The following AGBL1 variants were observed in gnomAD, a reference collection of about 807,000 sequenced individuals.
The protein encoded by AGBL1 is cytosolic carboxypeptidase 4.
A neutral mutation model predicts 118.9 loss-of-function variants in AGBL1; 130 were observed. The ratio of observed to expected loss-of-function variants is 1.09; its 90% confidence interval spans 0.95 to 1.26. The LOEUF (loss-of-function observed/expected upper bound fraction) is 1.26. Ranked by LOEUF, AGBL1 falls within the 50% of genes most tolerant of loss-of-function variation. AGBL1 has a pLI of 0.00. For missense variants in AGBL1, 1,584 were observed against 1,298.1 expected (o/e 1.22, Z -3.38); for synonymous variants, 555 against 478.9 (o/e 1.16, Z -2.08).
At chr15:86,846,365 G>T (rs1056501367) in intron 22 of AGBL1, among the ~76,000 whole-genome samples, 2 of 152,192 alleles carry the variant, frequency 1.3e-5, no homozygotes, top group Non-Finnish European at 2.9e-5. Context: ...CTGATAAGAA[G>T]TCTGCCATTA....
At chr15:86,086,323 G>A (rs1158730496) in intron 1 of AGBL1, 1 of 152,128 alleles carries the variant, frequency 6.6e-6, no homozygotes, top group Non-Finnish European at 1.5e-5. Flanking sequence ...AGAAATGGGT[G>A]TATGGAAATG....
chr15:87,019,947 GA>G (rs769042011), intron 24 of AGBL1, among the ~76,000 whole-genome samples: 2 of 151,988 alleles, frequency 1.3e-5, no homozygotes, highest in Non-Finnish European at 2.9e-5. Flanking sequence ...TGACCCCACA[GA>G]AATATAAACA....
At chr15:86,231,622 T>C (rs2078456216) in intron 6 of AGBL1, among the ~76,000 whole-genome samples, 1 of 152,190 alleles carries the variant, frequency 6.6e-6, no homozygotes, top group Admixed American at 6.5e-5. Context: ...TCTTAGTATG[T>C]CAGGCACTCT....
intron 17 of AGBL1, among the ~76,000 whole-genome samples, chr15:86,300,680 C>T (rs1055239379): frequency 6.6e-6 from 1 of 152,176 alleles, no homozygotes; most frequent in Non-Finnish European, 1.5e-5. Flanking sequence ...CACTCCCCTG[C>T]CACAGTCTCC....
intron 17 of AGBL1, among the ~76,000 whole-genome samples, chr15:86,380,449 C>T (rs566124276): frequency 6.6e-6 from 1 of 151,596 alleles, no homozygotes; most frequent in African/African-American, 2.4e-5. Context: ...CTGAGCCCGG[C>T]CCTTTCCTTC....
intron 18 of AGBL1, among the ~76,000 whole-genome samples, chr15:86,470,803 TTTGA>T (rs1338817317): frequency 2.6e-5 from 4 of 152,202 alleles, no homozygotes; most frequent in East Asian, 3.9e-4. Context: ...AATGGGATTG[TTTGA>T]TTGATTTTGG....
In AGBL1 at chr15:86,264,488, C is replaced by T; in HGVS notation, c.1317C>T (p.Tyr439=). Residue 439 remains tyrosine (Y), a synonymous_variant, in exon 11 of 23, where the codon TAC becomes TAT. Coordinates refer to ENST00000614907, the MANE Select transcript of AGBL1 (RefSeq NM_001386094.1). ...GSKKNPGVNL[Y]QNVQSNSLRR... ...AAAAAAATCCTGGAGTGAACCTGTA[C>T]CAAAATGTGCAATCCAATAGTCTCA... 1 of 1,614,016 alleles carries T rather than the reference C, an allele frequency of 6.2e-7. No homozygotes were observed. Among genetic ancestry groups the T allele is most frequent in the East Asian group, 2.2e-5 (1 of 44,884 alleles).
chr15:86,660,573 T>A (rs924587097), intron 21 of AGBL1, among the ~76,000 whole-genome samples: 3 of 152,136 alleles, frequency 2.0e-5, no homozygotes, highest in South Asian at 4.1e-4. Flanking sequence ...ATTTTTTTTT[T>A]ACTGATTTTT....
chr15:86,388,741 C>T (rs1317291535), intron 17 of AGBL1, among the ~76,000 whole-genome samples: 4 of 152,244 alleles, frequency 2.6e-5, no homozygotes, highest in Non-Finnish European at 5.9e-5. Flanking sequence ...TGATTCAGAA[C>T]ACCTAAGTTT....
chr15:86,644,989 C>G (rs936696048), intron 21 of AGBL1, among the ~76,000 whole-genome samples: 2 of 152,002 alleles, frequency 1.3e-5, no homozygotes, highest in Non-Finnish European at 2.9e-5. Flanking sequence ...CCACTGGACT[C>G]CAGCCTGGGT....
chr15:86,822,606 A>G (rs933127809), intron 22 of AGBL1, among the ~76,000 whole-genome samples: 5 of 152,152 alleles, frequency 3.3e-5, no homozygotes, highest in African/African-American at 1.2e-4. Context: ...TTCTGTGGTT[A>G]GCAGGTCTAT....
chr15:86,753,403 T>TC (rs1284474343), intron 22 of AGBL1, among the ~76,000 whole-genome samples: 1 of 116,564 alleles, frequency 8.6e-6, no homozygotes. Context: ...TTTTCTTTTT[T>TC]TTTTTTTTTT....
chr15:86,338,060 T>C (rs2141876270), intron 17 of AGBL1, among the ~76,000 whole-genome samples: 1 of 152,052 alleles, frequency 6.6e-6, no homozygotes, highest in African/African-American at 2.4e-5. Flanking sequence ...ACACATAAAC[T>C]GATTAATTGA....
chr15:86,611,647 G>T (rs1462234491), intron 21 of AGBL1, among the ~76,000 whole-genome samples: 1 of 152,062 alleles, frequency 6.6e-6, no homozygotes, highest in East Asian at 1.9e-4. Flanking sequence ...AGCCTTTTCT[G>T]TCAAGGTATT....
chr15:86,422,852 G>T (rs1287665741), intron 18 of AGBL1, among the ~76,000 whole-genome samples: 1 of 152,088 alleles, frequency 6.6e-6, no homozygotes, highest in Non-Finnish European at 1.5e-5. Flanking sequence ...TAGAAGAAAT[G>T]GATACATTCC....
At chr15:86,185,989 G>T (rs1038833428) in intron 5 of AGBL1, among the ~76,000 whole-genome samples, 1 of 152,048 alleles carries the variant, frequency 6.6e-6, no homozygotes, top group Non-Finnish European at 1.5e-5. Context: ...TTTTGTTTTT[G>T]AAAATTACCT....
intron 9 of AGBL1, among the ~76,000 whole-genome samples, chr15:86,261,461 GGA>G (rs1248723907): frequency 6.6e-6 from 1 of 152,154 alleles, no homozygotes; most frequent in Non-Finnish European, 1.5e-5. Context: ...TTTGAAGTTT[GGA>G]GAAAAATTGT....
At chr15:86,848,027 TG>T (rs752583781) in intron 22 of AGBL1, among the ~76,000 whole-genome samples, 16 of 152,282 alleles carry the variant, frequency 1.1e-4, no homozygotes, top group Non-Finnish European at 2.1e-4. Context: ...CTGCTTAGTG[TG>T]GGGTGTTTTT....
At chr15:86,620,850 C>T (rs574510381) in intron 21 of AGBL1, among the ~76,000 whole-genome samples, 9 of 151,954 alleles carry the variant, frequency 5.9e-5, no homozygotes, top group Admixed American at 2.0e-4. Context: ...GGTCTAAATC[C>T]GACTTGCCGC....
Sources: gnomAD v4.1 joint callset for allele counts (sites outside exome capture counted in the v4.1 genomes callset) on GRCh38, gnomAD v4.1.1 for gene constraint, MANE v1.5 for transcripts, NCBI Gene and HGNC (gene_info 2026-07-23, HGNC 2026-07-21) for gene names.